The following RGS12 variants were observed in gnomAD, a reference collection of about 807,000 sequenced individuals.
RGS12 encodes regulator of G-protein signaling 12.
A neutral mutation model predicts 120.1 loss-of-function variants in RGS12; 66 were observed. The observed-to-expected ratio is 0.55, with a 90% CI of 0.45 to 0.67. RGS12 has a LOEUF of 0.67. Among genes scored for constraint, RGS12 ranks in the 30% least tolerant of loss-of-function variants. The pLI is 0.00. For missense variants in RGS12, 1,859 were observed against 1,957.7 expected (o/e 0.95, Z 0.95); for synonymous variants, 827 against 804.7 (o/e 1.03, Z -0.47).
At position 3,430,971 on chromosome 4, in the gene RGS12, G is replaced by C. The variant is rs777274035; in HGVS notation, c.4114+16G>C. 1 of 1,610,884 alleles carries C rather than the reference G, an allele frequency of 6.2e-7. No homozygotes were observed. Among genetic ancestry groups the C allele is most frequent in the East Asian group, 2.2e-5 (1 of 44,864 alleles). The stretch of plus-strand genomic sequence containing the variant: ...TCCAGACCAGGTACCTCCAGGTTCT[G>C]ATCCCTCCACCTTGGCCCCGTAAGC... On this transcript the variant is annotated intron_variant, in intron 17 of 17. Coordinates refer to ENST00000336727, the MANE Select transcript of RGS12 (RefSeq NM_001394154.1).
chr4:3,430,557 A>G lies in RGS12; in HGVS notation c.3716A>G (p.Lys1239Arg). 1 of 1,613,130 alleles carries G rather than the reference A, an allele frequency of 6.2e-7. No homozygotes were observed. Among genetic ancestry groups the G allele is most frequent in the Non-Finnish European group, 8.5e-7 (1 of 1,179,982 alleles). Residue 1239 changes from lysine to arginine, a missense_variant, in exon 17 of 18, where the codon AAG becomes AGG. Lys to Arg is a conservative substitution (Grantham distance 26, BLOSUM62 2). This residue lies in a region of RGS12 where 517 missense variants were observed against 488.5 expected (regional missense o/e 1.06). Transcript: ENST00000336727. ...LTLPTPAAVA[K>R]GFSKRSATGN... ...CTCCCCACTCCAGCTGCTGTGGCCA[A>G]GGGCTTTAGCAAGAGAAGCGCCACA... is the stretch of plus-strand genomic sequence containing the variant.
chr4:3,292,846 C>A (rs987138126), upstream of RGS12, among the ~76,000 whole-genome samples: 5 of 152,060 alleles, frequency 3.3e-5, no homozygotes, highest in African/African-American at 7.2e-5. Flanking sequence ...CTGGCAGTCC[C>A]GTTACCACGC....
intron 2 of RGS12, among the ~76,000 whole-genome samples, chr4:3,339,401 G>C (rs1047800609): frequency 6.6e-6 from 1 of 152,206 alleles, no homozygotes; most frequent in Non-Finnish European, 1.5e-5. Context: ...AGGATCACTT[G>C]AGCCTGGGAG....
At position 3,382,596 on chromosome 4, in the gene RGS12, T is replaced by C. The variant is rs548083638; in HGVS notation, c.1999-3820T>C. Among the ~76,000 whole-genome samples the C allele has an allele frequency of 3.3e-5, 5 of 152,298 alleles. No individual in the cohort carries two copies. In the South Asian group the frequency reaches 8.3e-4, roughly 25 times the overall value. On this transcript the variant is annotated intron_variant, in intron 3 of 17. Coordinates refer to ENST00000336727, the MANE Select transcript of RGS12 (RefSeq NM_001394154.1). Reference sequence around the variant, plus strand: ...GACGGTCTTCAGGAGTTCTCCACAGTCGTTTTTGAATCTCAGATCCTGAGG... The same window carrying C: ...GACGGTCTTCAGGAGTTCTCCACAGCCGTTTTTGAATCTCAGATCCTGAGG...
In RGS12 at chr4:3,348,153, C is replaced by A. The variant is rs548318648; in HGVS notation, c.1998+5100C>A. On this transcript the variant is annotated intron_variant, in intron 3 of 17. Coordinates refer to ENST00000336727, the MANE Select transcript of RGS12 (RefSeq NM_001394154.1). Reference sequence around the variant, plus strand: ...GAATTTATATCTTGGGGAAGCCCATCAAAGATGCCAAAAGATTTAAAACGC... The same window carrying A: ...GAATTTATATCTTGGGGAAGCCCATAAAAGATGCCAAAAGATTTAAAACGC... 3.3e-5 allele frequency among the ~76,000 whole-genome samples: 5 copies of A among 152,232 alleles called. No individual in the cohort carries two copies. The South Asian group carries it at 1.0e-3, about 32-fold the overall frequency.
chr4:3,398,496 C>G (rs1179020179), intron 4 of RGS12, among the ~76,000 whole-genome samples: 1 of 151,598 alleles, frequency 6.6e-6, no homozygotes, highest in African/African-American at 2.4e-5. Flanking sequence ...CAATAAGTGA[C>G]AAAAGTTTGA....
At chr4:3,295,660 CAAA>C (rs35692556) in intron 1 of RGS12, among the ~76,000 whole-genome samples, 9 of 58,164 alleles carry the variant, frequency 1.5e-4, no homozygotes, top group Non-Finnish European at 2.8e-4. Context: ...AACTCTGTCT[CAAA>C]AAAAAAAAAA....
chr4:3,336,118 C>T (rs1712433202), intron 2 of RGS12, among the ~76,000 whole-genome samples: 3 of 152,166 alleles, frequency 2.0e-5, no homozygotes, highest in South Asian at 2.1e-4. Context: ...AACAAACAAA[C>T]AAACAAAACC....
chr4:3,379,143 T>A (rs773713272), intron 3 of RGS12, among the ~76,000 whole-genome samples: 1 of 152,086 alleles, frequency 6.6e-6, no homozygotes, highest in Non-Finnish European at 1.5e-5. Context: ...TTCACTTACA[T>A]GTGGACTCTA....
chr4:3,392,028 G>T (rs996124635), intron 4 of RGS12, among the ~76,000 whole-genome samples: 4 of 152,208 alleles, frequency 2.6e-5, no homozygotes, highest in African/African-American at 7.2e-5. Context: ...TTGCTCTCAG[G>T]AGAGTATGTA....
At chr4:3,360,377 C>A (rs1426636463) in intron 3 of RGS12, among the ~76,000 whole-genome samples, 1 of 151,646 alleles carries the variant, frequency 6.6e-6, no homozygotes, top group Non-Finnish European at 1.5e-5. Flanking sequence ...CTGCTCTAAT[C>A]TTTATTATTT....
rs1719392428 is a variant in RGS12, at chr4:3,390,651, G to A, written c.2020+4214G>A. 6.6e-6 allele frequency among the ~76,000 whole-genome samples: 1 copy of A among 152,180 alleles called. No individual in the cohort carries two copies. The highest frequency in any genetic ancestry group is 2.4e-5 in the African/African-American group (1 of 41,440). ...CGCGGGCCTTTGGAGCTCAGACCTG[G>A]CCATGGCGGAAGATTCGGGCTCCAC... On this transcript the variant is annotated intron_variant, in intron 4 of 17. Transcript: ENST00000336727. This position sits in a 1 kb window ranked among gnomAD's most constrained non-coding sequence, Gnocchi z 4.6.
intron 2 of RGS12, 41 bp from the exon 3 acceptor site, chr4:3,342,894 CTT>C (rs1560101096): frequency 9.6e-6 from 13 of 1,347,380 alleles, no homozygotes; most frequent in Non-Finnish European, 1.4e-5. Context: ...CTAAACATCT[CTT>C]TGCAAAAGAA....
chr4:3,295,575 G>A (rs952460931), intron 1 of RGS12, among the ~76,000 whole-genome samples: 1 of 150,710 alleles, frequency 6.6e-6, no homozygotes, highest in Non-Finnish European at 1.5e-5. Context: ...CACAAGATTC[G>A]CTTGAACCTG....
chr4:3,414,948 GGTGT>G, intron 6 of RGS12, 104 bp downstream of exon 6: 1 of 820,686 alleles, frequency 1.2e-6, no homozygotes, highest in Non-Finnish European at 2.0e-6. Flanking sequence ...GCATGTGAGG[GGTGT>G]GTGTGAGGGG....
chr4:3,286,245 A>C, the RGS12 span, among the ~76,000 whole-genome samples: 3 of 152,212 alleles, frequency 2.0e-5, no homozygotes, highest in African/African-American at 7.2e-5. Flanking sequence ...CCCTAAGGGC[A>C]GGTCTTCTGC....
intron 1 of RGS12, among the ~76,000 whole-genome samples, chr4:3,309,757 G>C (rs1477918026): frequency 6.9e-6 from 1 of 145,406 alleles, no homozygotes; most frequent in Non-Finnish European, 1.5e-5. Context: ...AGCAGGAGAG[G>C]AGCTGGGACT....
chr4:3,367,081 G>A (rs538703348), intron 3 of RGS12, among the ~76,000 whole-genome samples: 49 of 152,172 alleles, frequency 3.2e-4, no homozygotes, highest in Middle Eastern at 3.2e-3. Flanking sequence ...CTCACCCTGG[G>A]TTTCCAGCTC....
chr4:3,303,643 G>A (rs1482199754), intron 1 of RGS12, among the ~76,000 whole-genome samples: 1 of 152,246 alleles, frequency 6.6e-6, no homozygotes, highest in African/African-American at 2.4e-5. Flanking sequence ...TGTCTCCCTG[G>A]GTGCCTGGCT....
Sources: gnomAD v4.1 joint callset for allele counts (sites outside exome capture counted in the v4.1 genomes callset) on GRCh38, gnomAD v4.1.1 for gene constraint, gnomAD v4.1.1 regional missense constraint, Gnocchi (gnomAD v3.1) non-coding constraint, MANE v1.5 for transcripts, NCBI Gene and HGNC (gene_info 2026-07-23, HGNC 2026-07-21) for gene names.